The following DYNC2H1 variants were observed in gnomAD, a reference collection of about 807,000 sequenced individuals.
The protein encoded by DYNC2H1 is dynein cytoplasmic 2 heavy chain 1.
Under a neutral mutation model 570.0 loss-of-function variants are expected in DYNC2H1, and 410 were observed. That is an observed-to-expected ratio of 0.72 (90% CI 0.66 to 0.78). The LOEUF is 0.78. Ranked by LOEUF, DYNC2H1 falls within the 30% of genes least tolerant of loss-of-function variation. The pLI, the probability that DYNC2H1 is intolerant of heterozygous loss-of-function variation, is 0.00. For synonymous variants in DYNC2H1, 1,688 were observed against 1,677.6 expected (o/e 1.01, Z -0.15); for missense variants, 4,865 against 5,046.4 (o/e 0.96, Z 1.09).
Position 103,173,098 on chromosome 11 carries a change from A to C in DYNC2H1, c.5351A>C (p.Asn1784Thr). 3 of 1,362,676 alleles carry C rather than the reference A, an allele frequency of 2.2e-6. No individual in the cohort carries two copies. Among genetic ancestry groups the C allele is most frequent in the Non-Finnish European group, 2.9e-6 (3 of 1,052,222 alleles). The allele number at this position is 1,362,676 out of a possible 1,614,324, so 84.4% of individuals were successfully genotyped here. Residue 1784 changes from asparagine (N) to threonine (T), a missense_variant, in exon 35 of 89, where the codon AAT (asparagine) becomes ACT (threonine). This residue lies in a region of DYNC2H1 where 292 missense variants were observed against 300.2 expected (regional missense o/e 0.97). Coordinates refer to ENST00000375735, the MANE Select transcript of DYNC2H1 (RefSeq NM_001377.3). ...LLGKEVEVNS[N>T]SGIFITMNPA... is the part of the protein sequence containing the mutation. ...ATATTTCAGGTAGAAGTAAATTCTA[A>C]TTCTGGAATTTTTATCACTATGAAT...
At chr11:103,226,563 A>C (rs1309252073) in intron 59 of DYNC2H1, among the ~76,000 whole-genome samples, 1 of 152,170 alleles carries the variant, frequency 6.6e-6, no homozygotes, top group East Asian at 1.9e-4. Flanking sequence ...TATGAAACCC[A>C]GTTGATCATG....
intron 84 of DYNC2H1, among the ~76,000 whole-genome samples, chr11:103,420,381 T>G (rs557900452): frequency 6.6e-6 from 1 of 152,198 alleles, no homozygotes; most frequent in South Asian, 2.1e-4. Flanking sequence ...CAGAGAACCC[T>G]AGTAAGATAC....
intron 84 of DYNC2H1, among the ~76,000 whole-genome samples, chr11:103,414,735 A>T (rs1319784498): frequency 2.0e-5 from 3 of 152,202 alleles, no homozygotes; most frequent in African/African-American, 7.2e-5. Context: ...CTATACATCA[A>T]TAATAGACAA....
At chr11:103,380,743 G>A (rs1312531069) in intron 83 of DYNC2H1, among the ~76,000 whole-genome samples, 1 of 152,108 alleles carries the variant, frequency 6.6e-6, no homozygotes, top group African/African-American at 2.4e-5. Flanking sequence ...TGTATTTTTG[G>A]TAGAGATGGG....
In DYNC2H1 at chr11:103,324,222, A is replaced by G. The variant is rs1473189114; in HGVS notation, c.12039+232A>G. The stretch of plus-strand genomic sequence containing the variant: ...GGGGAAATGTGCAGATTTGTTACAT[A>G]GGTAAATTGTGTGTCGTAAGGGTTT... On this transcript the variant is annotated intron_variant, in intron 82 of 88. Transcript: ENST00000375735. The surrounding 1 kb of genome is among the most constrained non-coding windows in gnomAD (Gnocchi z 5.2). Among the ~76,000 whole-genome samples the G allele has an allele frequency of 6.6e-6, 1 of 152,046 alleles. No homozygotes were observed. The highest frequency in any genetic ancestry group is 2.4e-5 in the African/African-American group (1 of 41,380).
intron 70 of DYNC2H1, among the ~76,000 whole-genome samples, chr11:103,272,427 G>T (rs1396267213): frequency 6.6e-6 from 1 of 152,110 alleles, no homozygotes; most frequent in Non-Finnish European, 1.5e-5. Context: ...CTGTCGTGGG[G>T]TGGGGGGATG....
intron 82 of DYNC2H1, among the ~76,000 whole-genome samples, chr11:103,331,057 G>C (rs1443075505): frequency 6.6e-6 from 1 of 151,938 alleles, no homozygotes; most frequent in Non-Finnish European, 1.5e-5. Context: ...GAAATTGCAG[G>C]GCAAAAATAT....
intron 53 of DYNC2H1, among the ~76,000 whole-genome samples, chr11:103,210,439 CTTA>C (rs1863109624): frequency 6.6e-6 from 1 of 151,610 alleles, no homozygotes; most frequent in Non-Finnish European, 1.5e-5. Flanking sequence ...TATACCATAG[CTTA>C]TTAACTTATT....
chr11:103,207,076 C>T (rs1047534763), intron 52 of DYNC2H1, among the ~76,000 whole-genome samples: 1 of 151,984 alleles, frequency 6.6e-6, no homozygotes, highest in Non-Finnish European at 1.5e-5. Flanking sequence ...TGCCTGCCAC[C>T]ATACCTGGCT....
rs1372390570 is a variant in DYNC2H1, at chr11:103,228,637, G to A, written c.9354-2623G>A. ...TGTGATGGTCATTGGTTGTGTTTTT[G>A]TTTAGTGTGCTGGTTTTGTGTTGGT... On this transcript the variant is annotated intron_variant, in intron 59 of 88. Coordinates refer to ENST00000375735, the MANE Select transcript of DYNC2H1 (RefSeq NM_001377.3). The surrounding 1 kb of genome is among the most constrained non-coding windows in gnomAD (Gnocchi z 6.1). Among the ~76,000 whole-genome samples, 1 of 151,900 alleles carries A rather than the reference G, an allele frequency of 6.6e-6. No homozygotes were observed. Among genetic ancestry groups the A allele is most frequent in the Non-Finnish European group, 1.5e-5 (1 of 67,936 alleles).
chr11:103,271,278 C>T (rs1209593259), intron 70 of DYNC2H1, among the ~76,000 whole-genome samples: 1 of 152,112 alleles, frequency 6.6e-6, no homozygotes, highest in Non-Finnish European at 1.5e-5. Context: ...TTTTCTTCTG[C>T]TTAAATAACT....
intron 81 of DYNC2H1, among the ~76,000 whole-genome samples, chr11:103,321,823 G>T (rs1938218558): frequency 6.6e-6 from 1 of 151,856 alleles, no homozygotes; most frequent in Admixed American, 6.6e-5. Context: ...TTTCAATTTT[G>T]ATTTATTTTG....
chr11:103,366,071 T>C (rs1458480286), intron 83 of DYNC2H1, among the ~76,000 whole-genome samples: 1 of 152,216 alleles, frequency 6.6e-6, no homozygotes, highest in Non-Finnish European at 1.5e-5. Flanking sequence ...CAAGGATAAT[T>C]GAATAGCTAG....
intron 83 of DYNC2H1, among the ~76,000 whole-genome samples, chr11:103,386,145 T>C (rs570753043): frequency 2.0e-5 from 3 of 152,348 alleles, no homozygotes; most frequent in East Asian, 1.9e-4. Context: ...TAATATGTTA[T>C]TCAACATTTT....
intron 19 of DYNC2H1, 45 bp from the exon 20 acceptor site, chr11:103,148,445 G>T: frequency 6.6e-7 from 1 of 1,525,688 alleles, no homozygotes. Context: ...TAGTATTTTT[G>T]ATGGTAATAA....
chr11:103,423,408 T>TAAAAAA (rs60223334), intron 84 of DYNC2H1, among the ~76,000 whole-genome samples: 3 of 120,510 alleles, frequency 2.5e-5, no homozygotes, highest in African/African-American at 5.4e-5. Context: ...GCCAAAAAAG[T>TAAAAAA]AAAAAAAAAA....
Position 103,203,560 on chromosome 11 carries a change from A to AT in DYNC2H1, c.8198-98dup, listed in dbSNP as rs750118780. On this transcript the variant is annotated intron_variant, in intron 50 of 88. Transcript: ENST00000375735. The surrounding 1 kb of genome is among the most constrained non-coding windows in gnomAD (Gnocchi z 4.7). ...CAAGTAGAGGTAATAAAGTTTGTATATTTTTGGAAATAAAGATTGAATAAG... is the reference window on the plus strand; with the variant it reads ...CAAGTAGAGGTAATAAAGTTTGTATATTTTTTGGAAATAAAGATTGAATAAG... 124 of 689,232 alleles carry AT rather than the reference A, an allele frequency of 1.8e-4. No homozygotes were observed. The highest frequency in any genetic ancestry group is 2.7e-4 in the Non-Finnish European group (118 of 430,744). 42.7% of individuals were successfully genotyped at this position (689,232 alleles called of 1,614,324 possible).
At chr11:103,336,406 T>C (rs1939129664) in intron 82 of DYNC2H1, among the ~76,000 whole-genome samples, 1 of 152,148 alleles carries the variant, frequency 6.6e-6, no homozygotes, top group South Asian at 2.1e-4. Flanking sequence ...TCTAACTGTA[T>C]TTTTGTACCC....
chr11:103,280,991 A>AT lies in DYNC2H1; in HGVS notation c.10761+582dup, dbSNP rs557377927. 2.0e-5 allele frequency among the ~76,000 whole-genome samples: 3 copies of AT among 151,754 alleles called. No individual in the cohort carries two copies. The highest frequency in any genetic ancestry group is 1.9e-4 in the East Asian group (1 of 5,188). On this transcript the variant is annotated intron_variant, in intron 71 of 88. Transcript: ENST00000375735. This position sits in a 1 kb window ranked among gnomAD's most constrained non-coding sequence, Gnocchi z 4.7. ...CGAGACCATTTCTTGTCTGCTTACA[A>AT]TTTTAAAAAAAAAGCTATTTGCAAG... is the stretch of plus-strand genomic sequence containing the variant.
Sources: gnomAD v4.1 joint callset for allele counts (sites outside exome capture counted in the v4.1 genomes callset) on GRCh38, gnomAD v4.1.1 for gene constraint, gnomAD v4.1.1 regional missense constraint, Gnocchi (gnomAD v3.1) non-coding constraint, MANE v1.5 for transcripts, NCBI Gene and HGNC (gene_info 2026-07-23, HGNC 2026-07-21) for gene names.